FRY: variants seen among roughly 807,000 people sequenced by gnomAD.
FRY encodes the protein protein furry homolog.
In FRY, 128 loss-of-function variants were observed where a neutral mutation model predicts 348.4. That is an observed-to-expected ratio of 0.37 (90% CI 0.32 to 0.43). The LOEUF (loss-of-function observed/expected upper bound fraction) is 0.43. FRY is among the 20% of genes least tolerant of loss of function. FRY has a pLI of 1.00. For missense variants in FRY, 2,736 were observed against 3,695.2 expected, an observed-to-expected ratio of 0.74 and a Z score of 6.73; for synonymous variants, 1,370 against 1,374.7, an observed-to-expected ratio of 1.00 and a Z score of 0.08.
chr13:32,067,127 G>A (rs1593576590), intron 1 of FRY, among the ~76,000 whole-genome samples: 1 of 152,316 alleles, frequency 6.6e-6, no homozygotes, highest in South Asian at 2.1e-4. Context: ...GGTGACAGGA[G>A]GAGGGGGTAA....
At chr13:32,166,846 C>G (rs1446336042) in intron 17 of FRY, among the ~76,000 whole-genome samples, 1 of 152,112 alleles carries the variant, frequency 6.6e-6, no homozygotes, top group East Asian at 1.9e-4. Flanking sequence ...CTTTTATAAC[C>G]AGCTGAGCCT....
chr13:32,198,401 T>G (rs1317675705), intron 29 of FRY, among the ~76,000 whole-genome samples: 2 of 152,226 alleles, frequency 1.3e-5, no homozygotes, highest in Non-Finnish European at 2.9e-5. Flanking sequence ...TCCTTTCTAC[T>G]TTTATAGGCA....
At chr13:32,228,019 G>A (rs1885687236) in intron 39 of FRY, among the ~76,000 whole-genome samples, 1 of 152,114 alleles carries the variant, frequency 6.6e-6, no homozygotes, top group Admixed American at 6.5e-5. Flanking sequence ...CAAAGTGCTG[G>A]GATTACAGGC....
At chr13:32,052,973 T>C (rs1873420100) in intron 1 of FRY, among the ~76,000 whole-genome samples, 1 of 152,006 alleles carries the variant, frequency 6.6e-6, no homozygotes. Flanking sequence ...AATTAGCCAG[T>C]GTGGTGGTGT....
intron 36 of FRY, among the ~76,000 whole-genome samples, chr13:32,221,903 G>A (rs1331848947): frequency 2.6e-5 from 4 of 152,200 alleles, no homozygotes; most frequent in Non-Finnish European, 4.4e-5. Context: ...ATTGTAGGTA[G>A]TAGGGAGAAA....
intron 7 of FRY, 50 bp downstream of exon 7, chr13:32,124,925 G>C: frequency 7.6e-7 from 1 of 1,320,922 alleles, no homozygotes; most frequent in Non-Finnish European, 1.1e-6. Context: ...TGCTTTCACT[G>C]TCCTTCCAGC....
intron 1 of FRY, among the ~76,000 whole-genome samples, chr13:32,050,365 A>G (rs1397070788): frequency 6.6e-6 from 1 of 152,200 alleles, no homozygotes; most frequent in African/African-American, 2.4e-5. Flanking sequence ...CCCAAAGATA[A>G]CACCTCTTAA....
intron 35 of FRY, 96 bp from the exon 36 acceptor site, chr13:32,218,653 T>G (rs1012532185): frequency 2.9e-6 from 2 of 688,570 alleles, no homozygotes; most frequent in African/African-American, 4.0e-5. Context: ...TAGTGCAGCC[T>G]GGTGACAGAG....
chr13:32,080,122 A>G, intron 2 of FRY, among the ~76,000 whole-genome samples: 1 of 152,230 alleles, frequency 6.6e-6, no homozygotes, highest in East Asian at 1.9e-4. Flanking sequence ...TTATTGTATC[A>G]GTGGATGTTA....
At chr13:32,050,038 A>G (rs1024097168) in intron 1 of FRY, among the ~76,000 whole-genome samples, 1 of 152,226 alleles carries the variant, frequency 6.6e-6, no homozygotes, top group African/African-American at 2.4e-5. Context: ...TAATATTCCA[A>G]ATTAACACAG....
At chr13:32,255,262 C>T (rs1887273252) in intron 51 of FRY, among the ~76,000 whole-genome samples, 1 of 152,140 alleles carries the variant, frequency 6.6e-6, no homozygotes, top group South Asian at 2.1e-4. Context: ...TCCCAAACGA[C>T]TCTCTGCTAG....
chr13:32,278,073 C>T (rs1414056512), intron 57 of FRY, among the ~76,000 whole-genome samples: 1 of 152,154 alleles, frequency 6.6e-6, no homozygotes, highest in African/African-American at 2.4e-5. Flanking sequence ...TAGGTGTGTC[C>T]AAGTCAGGTC....
At chr13:32,260,556 G>A (rs1448059298) in intron 51 of FRY, among the ~76,000 whole-genome samples, 1 of 152,130 alleles carries the variant, frequency 6.6e-6, no homozygotes, top group Non-Finnish European at 1.5e-5. Flanking sequence ...GCTAGTTCTC[G>A]GTAATTCAAA....
intron 11 of FRY, among the ~76,000 whole-genome samples, chr13:32,145,877 G>A (rs1374084501): frequency 6.6e-6 from 1 of 152,152 alleles, no homozygotes; most frequent in African/African-American, 2.4e-5. Flanking sequence ...GGTGCCCACA[G>A]CTGGTCTCCC....
Position 32,202,377 on chromosome 13 carries a change from G to T in FRY, c.3868G>T (p.Val1290Leu). Reference sequence around the variant, plus strand: ...ATAGATCCTTGAAGCAAAGCTTTTTGTATACTCAAAGAAAGTCGCTGAGCA... The same window carrying T: ...ATAGATCCTTGAAGCAAAGCTTTTTTTATACTCAAAGAAAGTCGCTGAGCA... ...LMQILEAKLF[V>L]YSKKVAEQRP... Residue 1290 changes from valine to leucine, a missense_variant, in exon 31 of 61, where the codon GTA (valine) becomes TTA (leucine). Around this residue, in one of 9 missense-constraint regions of FRY, gnomAD observed 794 missense variants for 977.0 expected, o/e 0.81. Coordinates refer to ENST00000542859, the MANE Select transcript of FRY (RefSeq NM_023037.3). 6.2e-7 allele frequency: 1 copy of T among 1,613,844 alleles called. No homozygotes were observed. Among genetic ancestry groups the T allele is most frequent in the Non-Finnish European group, 8.5e-7 (1 of 1,179,940 alleles).
intron 38 of FRY, 143 bp from the exon 39 acceptor site, chr13:32,225,646 T>G (rs765212063): frequency 5.4e-4 from 408 of 758,998 alleles, no homozygotes; most frequent in South Asian, 1.3e-3. Flanking sequence ...CCAACTCCTG[T>G]ATGTTGGTAA....
intron 1 of FRY, among the ~76,000 whole-genome samples, chr13:32,067,120 G>T (rs1241541088): frequency 2.6e-5 from 4 of 152,194 alleles, no homozygotes; most frequent in Admixed American, 2.0e-4. Context: ...GTAGGAGGGT[G>T]ACAGGAGGAG....
intron 2 of FRY, among the ~76,000 whole-genome samples, chr13:32,079,261 T>A (rs1343659227): frequency 6.6e-6 from 1 of 152,210 alleles, no homozygotes; most frequent in Non-Finnish European, 1.5e-5. Context: ...TTCAGTAGCA[T>A]GCTTCACTGC....
intron 2 of FRY, among the ~76,000 whole-genome samples, chr13:32,098,050 C>A (rs17591614): frequency 0.014 from 2,107 of 152,176 alleles, 38 homozygotes; most frequent in Admixed American, 0.044. Context: ...ATTAATCTGG[C>A]AAATGCGTAG....
Sources: allele counts gnomAD v4.1 joint callset (sites outside exome capture counted in the v4.1 genomes callset), GRCh38; gene constraint gnomAD v4.1.1; regional missense constraint gnomAD v4.1.1; transcripts MANE v1.5; gene names NCBI Gene and HGNC (gene_info 2026-07-23, HGNC 2026-07-21).